The following OTOF variants were observed in gnomAD, a reference collection of about 807,000 sequenced individuals.
OTOF encodes the protein fer-1-like family member 2.
Under a neutral mutation model 236.8 loss-of-function variants are expected in OTOF, and 218 were observed. The observed-to-expected ratio is 0.92, with a 90% CI of 0.82 to 1.03. OTOF has a LOEUF of 1.03. OTOF is among the 50% of genes least tolerant of loss of function. The pLI is 0.00. For missense variants in OTOF, 2,590 were observed against 2,694.4 expected (o/e 0.96, Z 0.86); for synonymous variants, 1,041 against 1,072.5 (o/e 0.97, Z 0.57).
At position 26,464,106 on chromosome 2, in the gene OTOF, C is replaced by T. The variant is rs1340280815; in HGVS notation, c.4961G>A (p.Gly1654Asp). ...TGPSEIEDENGQRKPTDEHVA... is the reference protein window; with the variant it reads ...TGPSEIEDENDQRKPTDEHVA... ...ATGCTCGTCTGTGGGCTTCCTCTGA[C>T]CTGTGGGTGCCGGCGGCTCAGCTGC... is the stretch of plus-strand genomic sequence containing the variant. The change falls in exon 40 of 47, where the codon GGT becomes GAT. Residue 1654 changes from glycine to aspartate, a missense_variant and splice_region_variant. This residue lies in a region of OTOF where 1,211 missense variants were observed against 1,352.8 expected (regional missense o/e 0.90). Transcript: ENST00000272371. 5 of 1,613,460 alleles carry T rather than the reference C, an allele frequency of 3.1e-6. No homozygotes were observed. The highest frequency in any genetic ancestry group is 3.4e-6 in the Non-Finnish European group (4 of 1,179,988).
At chr2:26,530,359 G>A (rs1323587768) in intron 2 of OTOF, among the ~76,000 whole-genome samples, 2 of 151,876 alleles carry the variant, frequency 1.3e-5, no homozygotes, top group Non-Finnish European at 2.9e-5. Flanking sequence ...GGGGGCTTCC[G>A]GGGCCCCTGA....
At chr2:26,528,303 GAGACAGCA>G (rs532635141) in intron 2 of OTOF, among the ~76,000 whole-genome samples, 11 of 152,346 alleles carry the variant, frequency 7.2e-5, no homozygotes, top group African/African-American at 2.2e-4. Flanking sequence ...GGGTCCCAGG[GAGACAGCA>G]AGGAATGTGG....
At chr2:26,469,235 A>C (rs1390536165) in intron 32 of OTOF, among the ~76,000 whole-genome samples, 1 of 152,224 alleles carries the variant, frequency 6.6e-6, no homozygotes, top group Admixed American at 6.5e-5. Flanking sequence ...GGAAACGAGA[A>C]TAAATCTTAC....
chr2:26,544,881 C>CA (rs565300604), intron 1 of OTOF, among the ~76,000 whole-genome samples: 23,990 of 148,118 alleles, frequency 0.16, 2,786 homozygotes, highest in African/African-American at 0.34. Flanking sequence ...ACTAAAAATA[C>CA]AAAAAAAAAA....
Position 26,558,610 on chromosome 2 carries a change from C to G in OTOF, c.-39G>C, listed in dbSNP as rs372446838. 6.5e-6 allele frequency: 10 copies of G among 1,550,134 alleles called. No homozygotes were observed. The African/African-American group carries it at 6.8e-5, about 11-fold the overall frequency. On this transcript the variant is annotated 5_prime_UTR_variant, in exon 1 of 47. Transcript: ENST00000272371. ...GCCTGGCACTGCCAGGCAGGAGCAG[C>G]GGGAAGGAGCTAGCCGGTGGAGCAC...
At chr2:26,474,139 C>A (rs747684672) in intron 26 of OTOF, 29 bp from the exon 27 acceptor site, 3 of 1,612,418 alleles carry the variant, frequency 1.9e-6, no homozygotes, top group South Asian at 2.2e-5. Context: ...AGGTCACACA[C>A]TGGGGAGCCC....
intron 5 of OTOF, among the ~76,000 whole-genome samples, chr2:26,513,189 G>A (rs941767028): frequency 1.3e-5 from 2 of 152,140 alleles, no homozygotes; most frequent in Non-Finnish European, 2.9e-5. Context: ...GAGGAGGAAC[G>A]GGGTAACTTC....
chr2:26,544,125 A>T (rs1325742579), intron 1 of OTOF, among the ~76,000 whole-genome samples: 1 of 152,128 alleles, frequency 6.6e-6, no homozygotes, highest in African/African-American at 2.4e-5. Context: ...ATCAGAAATA[A>T]TTTTTTTCCT....
intron 5 of OTOF, among the ~76,000 whole-genome samples, chr2:26,510,141 C>A (rs1240911628): frequency 6.6e-6 from 1 of 152,172 alleles, no homozygotes; most frequent in Non-Finnish European, 1.5e-5. Flanking sequence ...GCACCCTGAC[C>A]TCATTTTTCC....
intron 30 of OTOF, 141 bp downstream of exon 30, chr2:26,472,378 T>C: frequency 9.6e-7 from 1 of 1,041,752 alleles, no homozygotes; most frequent in East Asian, 2.4e-5. Context: ...GGACACACAA[T>C]CAAGCTCAGC....
Position 26,458,706 on chromosome 2 carries a change from G to A in OTOF, c.*18-486C>T, listed in dbSNP as rs1165365615. Among the ~76,000 whole-genome samples the A allele has an allele frequency of 3.3e-5, 5 of 152,302 alleles. No homozygotes were observed. The East Asian group carries it at 9.7e-4, about 29-fold the overall frequency. ...AGGATGAAGACCCACTCCACCTTCT[G>A]TAGAGCCTCCCAGCCGAGAAGCACC... On this transcript the variant is annotated intron_variant, in intron 46 of 46. Transcript: ENST00000272371.
At chr2:26,484,290 T>C (rs1350073382) in intron 12 of OTOF, among the ~76,000 whole-genome samples, 184 bp downstream of exon 12, 1 of 152,206 alleles carries the variant, frequency 6.6e-6, no homozygotes, top group East Asian at 1.9e-4. Flanking sequence ...ACTGATATTC[T>C]CAGCCATCCT....
At chr2:26,542,190 C>T (rs532645008) in intron 1 of OTOF, among the ~76,000 whole-genome samples, 2 of 152,332 alleles carry the variant, frequency 1.3e-5, no homozygotes, top group East Asian at 3.9e-4. Context: ...AAATAGCTCC[C>T]TCTTCCAGAC....
chr2:26,463,351 A>G, intron 41 of OTOF, 132 bp downstream of exon 41: 1 of 770,344 alleles, frequency 1.3e-6, no homozygotes, highest in Non-Finnish European at 2.3e-6. Flanking sequence ...CCCAGTGGCC[A>G]CACCCAGGCC....
At chr2:26,517,261 TCC>T (rs60929467) in intron 4 of OTOF, among the ~76,000 whole-genome samples, 3 of 151,922 alleles carry the variant, frequency 2.0e-5, no homozygotes, top group African/African-American at 7.3e-5. Context: ...AGCTCTAGTT[TCC>T]CCCCCAGTGC....
intron 1 of OTOF, among the ~76,000 whole-genome samples, chr2:26,555,743 A>G (rs1208016982): frequency 2.0e-5 from 3 of 152,046 alleles, no homozygotes; most frequent in Non-Finnish European, 4.4e-5. Context: ...TCTTCCCTTT[A>G]TATCTCACAT....
chr2:26,511,567 C>T (rs956904543), intron 5 of OTOF, among the ~76,000 whole-genome samples: 10 of 152,218 alleles, frequency 6.6e-5, no homozygotes. Context: ...GGCTCAAGAC[C>T]TGAAGGCCTA....
chr2:26,537,969 C>T (rs983304276), intron 1 of OTOF, among the ~76,000 whole-genome samples, 195 bp from the exon 2 acceptor site: 17 of 152,252 alleles, frequency 1.1e-4, no homozygotes, highest in African/African-American at 3.6e-4. Context: ...TCAGCAGCCT[C>T]GTGAGGGAAG....
chr2:26,479,272 C>G lies in OTOF; in HGVS notation c.2206G>C (p.Asp736His). 6.2e-7 allele frequency: 1 copy of G among 1,612,712 alleles called. No individual in the cohort carries two copies. Among genetic ancestry groups the G allele is most frequent in the Non-Finnish European group, 8.5e-7 (1 of 1,179,924 alleles). Residue 736 changes from aspartate to histidine, a missense_variant, in exon 18 of 47, where the codon GAC (aspartate) becomes CAC (histidine). Coordinates refer to ENST00000272371, the MANE Select transcript of OTOF (RefSeq NM_194248.3). ...CCTGGCCTGGCCCTGACCAGCTTGT[C>G]GGCAATGTGGTCCATGATGTTGGCA... ...YNANIMDHIA[D>H]KLEEGLNDIQ...
Sources: allele counts gnomAD v4.1 joint callset (sites outside exome capture counted in the v4.1 genomes callset), GRCh38; gene constraint gnomAD v4.1.1; regional missense constraint gnomAD v4.1.1; transcripts MANE v1.5; gene names NCBI Gene and HGNC (gene_info 2026-07-23, HGNC 2026-07-21).